CYP4F11: variants seen among roughly 807,000 people sequenced by gnomAD.
The protein encoded by CYP4F11 is cytochrome P450 family 4 subfamily F member 11, also known as cytochrome P450 4F11.
CYP4F11 carries 79 observed loss-of-function variants against 62.2 expected under a neutral mutation model. The observed-to-expected ratio is 1.27, with a 90% CI of 1.06 to 1.53. The LOEUF is 1.53. Among genes scored for constraint, CYP4F11 ranks in the 40% most tolerant of loss-of-function variants. CYP4F11 has a pLI of 0.00. For synonymous variants in CYP4F11, 290 were observed against 263.7 expected, an observed-to-expected ratio of 1.10 and a Z score of -0.97; for missense variants, 777 against 680.5, an observed-to-expected ratio of 1.14 and a Z score of -1.58.
intron 4 of CYP4F11, among the ~76,000 whole-genome samples, chr19:15,926,247 AC>A (rs1437639272): frequency 6.6e-6 from 1 of 151,780 alleles, no homozygotes; most frequent in African/African-American, 2.4e-5. Context: ...AACTATTCAA[AC>A]CTCTCTATGG....
intron 1 of CYP4F11, 54 bp downstream of exon 1, chr19:15,934,157 C>G (rs576640673): frequency 8.8e-6 from 14 of 1,594,044 alleles, no homozygotes; most frequent in Non-Finnish European, 1.2e-5. Flanking sequence ...ATTCCTGCCC[C>G]TCAGGAACTC....
At chr19:15,914,207 G>A in intron 11 of CYP4F11, 98 bp downstream of exon 11, 3 of 1,421,600 alleles carry the variant, frequency 2.1e-6, no homozygotes, top group Non-Finnish European at 9.7e-7. Context: ...GAGGAAGGGA[G>A]GGAAGGAGAG....
intron 8 of CYP4F11, 96 bp from the exon 9 acceptor site, chr19:15,914,991 A>C: frequency 6.6e-7 from 1 of 1,524,812 alleles, no homozygotes; most frequent in East Asian, 2.4e-5. Flanking sequence ...TCCCTATCAC[A>C]AAATAAATTC....
chr19:15,934,303 C>T lies in CYP4F11; in HGVS notation c.106G>A (p.Ala36Thr). The T allele has an allele frequency of 6.2e-7, 1 of 1,613,506 alleles. No homozygotes were observed. The highest frequency in any genetic ancestry group is 8.5e-7 in the Non-Finnish European group (1 of 1,179,730). ...GGSWLLARVL[A>T]WTYTFYDNCR... ...TTGTCATAGAAGGTGTAGGTCCAGG[C>T]CAGGACGCGGGCCAGGAGCCAGGAG... is the stretch of plus-strand genomic sequence containing the variant. The change falls in exon 1 of 12, where the codon GCC becomes ACC. Residue 36 changes from alanine to threonine, a missense_variant. Physicochemically the swap from Ala to Thr is moderately conservative, Grantham distance 58 (BLOSUM62 0). Coordinates refer to ENST00000402119, the MANE Select transcript of CYP4F11 (RefSeq NM_021187.4).
In CYP4F11 at chr19:15,920,787, C is replaced by CT. The variant is rs199942274; in HGVS notation, c.1115+1249dup. Among the ~76,000 whole-genome samples the CT allele has an allele frequency of 5.8e-3, 877 of 152,146 alleles. 11 individuals are homozygous for CT. The highest frequency in any genetic ancestry group is 0.02 in the African/African-American group (831 of 41,502). The stretch of plus-strand genomic sequence containing the variant: ...CTTGAGTTAAAATTGAAGTTCTTGA[C>CT]TTTTTTTTCCATGTATTCCACACCC... On this transcript the variant is annotated intron_variant, in intron 8 of 11. Coordinates refer to ENST00000402119, the MANE Select transcript of CYP4F11 (RefSeq NM_021187.4).
intron 1 of CYP4F11, among the ~76,000 whole-genome samples, chr19:15,931,564 G>GCA (rs2089720230): frequency 8.3e-6 from 1 of 120,072 alleles, no homozygotes; most frequent in Non-Finnish European, 1.8e-5. Flanking sequence ...GAGTGAGCGA[G>GCA]GAGAGGAATG....
At chr19:15,914,016 G>A in intron 11 of CYP4F11, 107 bp from the exon 12 acceptor site, 1 of 1,379,502 alleles carries the variant, frequency 7.2e-7, no homozygotes. Context: ...TAGGCTTGAG[G>A]GGCAGAAAGA....
chr19:15,915,807 G>C (rs1440154435), intron 8 of CYP4F11, among the ~76,000 whole-genome samples: 1 of 151,778 alleles, frequency 6.6e-6, no homozygotes, highest in Non-Finnish European at 1.5e-5. Flanking sequence ...CTATATACTT[G>C]AGTAATCTAA....
At chr19:15,929,710 CT>C (rs2089696957) in intron 1 of CYP4F11, 109 bp from the exon 2 acceptor site, 1 of 1,245,252 alleles carries the variant, frequency 8.0e-7, no homozygotes, top group South Asian at 1.5e-5. Context: ...ATAAAACATG[CT>C]GGTAAAACAT....
At position 15,931,657 on chromosome 19, in the gene CYP4F11, TGAGCGAGGAGAGGAATGAGTGAGC is replaced by T. The variant is rs1568257622; in HGVS notation, c.199-2080_199-2057del. ...ATGAGTGAGCGAGGAGAGGAATGAG[TGAGCGAGGAGAGGAATGAGTGAGC>T]GAGGAGAGGAATGAGTGAGCGAGGA... On this transcript the variant is annotated intron_variant, in intron 1 of 11. Coordinates refer to ENST00000402119, the MANE Select transcript of CYP4F11 (RefSeq NM_021187.4). Among the ~76,000 whole-genome samples the T allele has an allele frequency of 3.4e-4, 18 of 52,728 alleles. 1 individual carries two copies. The highest frequency in any genetic ancestry group is 2.7e-4 in the Non-Finnish European group (8 of 30,116). 34.6% of individuals were successfully genotyped at this position (52,728 alleles called of 152,430 possible).
At position 15,914,681 on chromosome 19, in the gene CYP4F11, A is replaced by G. The variant is rs370263065; in HGVS notation, c.1250-15T>C. 1.9e-6 allele frequency: 3 copies of G among 1,614,166 alleles called. No homozygotes were observed. The highest frequency in any genetic ancestry group is 2.5e-6 in the Non-Finnish European group (3 of 1,180,008). ...GCAGACAATGCCTGTGGGAGAGAAG[A>G]GGGCAGTCAGGACAAGGCCCCCCTG... On this transcript the variant is annotated splice_polypyrimidine_tract_variant and intron_variant, in intron 9 of 11. Coordinates refer to ENST00000402119, the MANE Select transcript of CYP4F11 (RefSeq NM_021187.4).
chr19:15,934,550 G>A, upstream of CYP4F11: 3 of 981,988 alleles, frequency 3.1e-6, no homozygotes, highest in Non-Finnish European at 4.3e-6. Context: ...AACAAGAGCT[G>A]AGATCTAAAG....
intron 8 of CYP4F11, among the ~76,000 whole-genome samples, chr19:15,915,902 G>C (rs895095356): frequency 6.6e-6 from 1 of 151,578 alleles, no homozygotes; most frequent in Non-Finnish European, 1.5e-5. Context: ...AAAGATAAAA[G>C]ATAAGATATT....
chr19:15,922,904 A>T (rs1599375389), intron 6 of CYP4F11, among the ~76,000 whole-genome samples: 1 of 151,062 alleles, frequency 6.6e-6, no homozygotes, highest in East Asian at 1.9e-4. Flanking sequence ...AAAAAAAATT[A>T]GCCTGGCATG....
Position 15,934,506 on chromosome 19 carries a change from T to A in CYP4F11, c.-98A>T. 1 of 1,402,492 alleles carries A rather than the reference T, an allele frequency of 7.1e-7. No homozygotes were observed. Among genetic ancestry groups the A allele is most frequent in the Middle Eastern group, 2.5e-4 (1 of 3,984 alleles). 86.9% of individuals were successfully genotyped at this position (1,402,492 alleles called of 1,614,324 possible). A position where few individuals can be genotyped will look rare whatever the true frequency, so the allele number is the denominator to read the frequency against. On this transcript the variant is annotated 5_prime_UTR_variant, in exon 1 of 12. Coordinates refer to ENST00000402119, the MANE Select transcript of CYP4F11 (RefSeq NM_021187.4). ...GGAAAGGGGCAAGGATGGGCAGTGC[T>A]GGAGGCAGATCAGGGAAGGCTCTGA...
At position 15,914,299 on chromosome 19, in the gene CYP4F11, C is replaced by G. The variant is rs200189404; in HGVS notation, c.1397+6G>C. On this transcript the variant is annotated splice_donor_region_variant and intron_variant, in intron 11 of 11. Transcript: ENST00000402119. Reference sequence around the variant, plus strand: ...CATCTCTGCCTCAGACACAGGCCATCCTTACCTGGGCCCTGCCGAGAAGGG... The same window carrying G: ...CATCTCTGCCTCAGACACAGGCCATGCTTACCTGGGCCCTGCCGAGAAGGG... The G allele has an allele frequency of 5.6e-6, 9 of 1,613,682 alleles. No homozygotes were observed. The highest frequency in any genetic ancestry group is 7.6e-6 in the Non-Finnish European group (9 of 1,179,822).
At position 15,927,346 on chromosome 19, in the gene CYP4F11, G is replaced by A; in HGVS notation, c.398-7C>T. On this transcript the variant is annotated splice_polypyrimidine_tract_variant and splice_region_variant and intron_variant, in intron 3 of 11. Transcript: ENST00000402119. ...CTCAGCAGGAGCCCATCCCCTGGCA[G>A]GGCAACCAAGGACAGTGGTCAAGGG... 2 of 1,614,028 alleles carry A rather than the reference G, an allele frequency of 1.2e-6. No individual in the cohort carries two copies. The highest frequency in any genetic ancestry group is 1.7e-6 in the Non-Finnish European group (2 of 1,179,946).
intron 1 of CYP4F11, among the ~76,000 whole-genome samples, chr19:15,930,190 T>C (rs2089701167): frequency 6.6e-6 from 1 of 152,134 alleles, no homozygotes; most frequent in African/African-American, 2.4e-5. Flanking sequence ...CCCTGCAGCC[T>C]CCAGATGTGG....
intron 8 of CYP4F11, among the ~76,000 whole-genome samples, chr19:15,919,501 TAGATAGATAGATAGATAGATAGAC>T (rs1490779417): frequency 7.5e-4 from 92 of 123,270 alleles, no homozygotes; most frequent in African/African-American, 2.0e-3. Context: ...GATAGATAGA[TAGATAGATAGATAGATAGATAGAC>T]AGATAGATAA....
Sources: gnomAD v4.1 joint callset for allele counts (sites outside exome capture counted in the v4.1 genomes callset) on GRCh38, gnomAD v4.1.1 for gene constraint, MANE v1.5 for transcripts, NCBI Gene and HGNC (gene_info 2026-07-23, HGNC 2026-07-21) for gene names.